MDFIC: variants seen among roughly 807,000 people sequenced by gnomAD.
MDFIC encodes the protein myoD family inhibitor domain-containing protein.
In MDFIC, 17 loss-of-function variants were observed where a neutral mutation model predicts 23.2. That is an observed-to-expected ratio of 0.73 (90% confidence interval 0.50 to 1.10). The LOEUF (loss-of-function observed/expected upper bound fraction) is 1.10. Ranked by LOEUF, MDFIC falls within the 50% of genes least tolerant of loss-of-function variation. The pLI is 0.00. For synonymous variants in MDFIC, 120 were observed against 115.2 expected, an observed-to-expected ratio of 1.04 and a Z score of -0.27; for missense variants, 356 against 316.6, an observed-to-expected ratio of 1.12 and a Z score of -0.95.
intron 2 of MDFIC, among the ~76,000 whole-genome samples, chr7:114,934,154 C>G (rs950182108): frequency 6.6e-6 from 1 of 152,178 alleles, no homozygotes; most frequent in African/African-American, 2.4e-5. Context: ...GCTGAATAAA[C>G]ATAGCTGAAA....
intron 4 of MDFIC, among the ~76,000 whole-genome samples, chr7:115,008,677 G>A (rs372983180): frequency 3.3e-5 from 5 of 152,100 alleles, no homozygotes; most frequent in East Asian, 3.9e-4. Context: ...AACATTTCCC[G>A]CCCCTACACA....
At chr7:115,006,684 A>G (rs995101461) in intron 4 of MDFIC, among the ~76,000 whole-genome samples, 1 of 152,220 alleles carries the variant, frequency 6.6e-6, no homozygotes, top group Non-Finnish European at 1.5e-5. Context: ...TTTTACCCCA[A>G]TATGAATTTT....
chr7:115,009,056 T>C (rs1791628057), intron 4 of MDFIC, among the ~76,000 whole-genome samples: 1 of 152,188 alleles, frequency 6.6e-6, no homozygotes, highest in Admixed American at 6.5e-5. Flanking sequence ...ACATAACTCT[T>C]ATTGTTCATG....
At chr7:114,960,461 T>TG (rs1286326275) in intron 3 of MDFIC, among the ~76,000 whole-genome samples, 1 of 152,092 alleles carries the variant, frequency 6.6e-6, no homozygotes, top group African/African-American at 2.4e-5. Flanking sequence ...AGGTGTACCA[T>TG]GGCCTTTTTT....
chr7:114,929,383 G>A (rs1792264814), intron 2 of MDFIC, among the ~76,000 whole-genome samples: 2 of 152,178 alleles, frequency 1.3e-5, no homozygotes. Flanking sequence ...GGGATTACAG[G>A]CTTGAGCCAC....
chr7:114,999,833 T>C (rs1307274495), intron 4 of MDFIC, among the ~76,000 whole-genome samples: 1 of 152,140 alleles, frequency 6.6e-6, no homozygotes, highest in Non-Finnish European at 1.5e-5. Flanking sequence ...TTCTAAACTT[T>C]AAATTAAATT....
chr7:114,996,341 T>C (rs565294239), intron 4 of MDFIC, among the ~76,000 whole-genome samples: 1 of 152,218 alleles, frequency 6.6e-6, no homozygotes, highest in South Asian at 2.1e-4. Context: ...TGCTGAAGAA[T>C]GAGATTTTGG....
At chr7:114,979,455 T>C (rs2115959355) in intron 3 of MDFIC, 51 bp from the exon 4 acceptor site, 1 of 1,519,766 alleles carries the variant, frequency 6.6e-7, no homozygotes, top group Non-Finnish European at 8.9e-7. Context: ...TATTTTAAAA[T>C]ATTAATTTCT....
intron 3 of MDFIC, among the ~76,000 whole-genome samples, chr7:114,951,371 A>G (rs1339843553): frequency 6.6e-6 from 1 of 152,174 alleles, no homozygotes; most frequent in Admixed American, 6.6e-5. Flanking sequence ...ATTTTTTGGA[A>G]CCAGTCTTCA....
Position 115,019,434 on chromosome 7 carries a change from C to G in MDFIC, c.*3499C>G, listed in dbSNP as rs367713861. ...ATGTAATAACTTTCCATTCTTTATC[C>G]ATACAAACTCTTTCAGTGCCCTAGA... On this transcript the variant is annotated 3_prime_UTR_variant, in exon 5 of 5. Coordinates refer to ENST00000393486, the MANE Select transcript of MDFIC (RefSeq NM_001166345.3). Among the ~76,000 whole-genome samples, 2 of 151,976 alleles carry G rather than the reference C, an allele frequency of 1.3e-5. No homozygotes were observed. The highest frequency in any genetic ancestry group is 4.1e-4 in the South Asian group (2 of 4,820).
At chr7:114,957,160 G>A (rs1429491969) in intron 3 of MDFIC, among the ~76,000 whole-genome samples, 1 of 152,090 alleles carries the variant, frequency 6.6e-6, no homozygotes, top group Non-Finnish European at 1.5e-5. Flanking sequence ...AATCTTTCAG[G>A]TGTAATCATA....
chr7:114,969,706 A>C (rs1261856489), intron 3 of MDFIC, among the ~76,000 whole-genome samples: 1 of 151,956 alleles, frequency 6.6e-6, no homozygotes, highest in African/African-American at 2.4e-5. Flanking sequence ...GCACACACTT[A>C]TGTGTGTATA....
intron 2 of MDFIC, 116 bp downstream of exon 2, chr7:114,923,243 G>C: frequency 7.3e-7 from 1 of 1,374,184 alleles, no homozygotes. Context: ...CCCACTCGTA[G>C]TTGAGAACTT....
chr7:114,961,679 A>G (rs1792994805), intron 3 of MDFIC, among the ~76,000 whole-genome samples: 1 of 152,216 alleles, frequency 6.6e-6, no homozygotes, highest in Non-Finnish European at 1.5e-5. Flanking sequence ...GGAAACAGGC[A>G]CATAATTACA....
At chr7:114,998,019 T>A (rs753532315) in intron 4 of MDFIC, among the ~76,000 whole-genome samples, 6 of 152,164 alleles carry the variant, frequency 3.9e-5, no homozygotes, top group African/African-American at 7.2e-5. Context: ...TATTTTATCA[T>A]TTGGGACGAT....
intron 3 of MDFIC, among the ~76,000 whole-genome samples, chr7:114,979,025 G>A (rs1362020201): frequency 6.6e-6 from 1 of 151,940 alleles, no homozygotes; most frequent in African/African-American, 2.4e-5. Flanking sequence ...TAAAAACACT[G>A]TATTTTTCTT....
chr7:114,993,759 T>C lies in MDFIC; in HGVS notation c.493+13978T>C, dbSNP rs181449397. ...TCTTTTATATTTGCTGAGGAGTGCT[T>C]TACTTCCAACTATGTGGTCAGTTTT... is the stretch of plus-strand genomic sequence containing the variant. On this transcript the variant is annotated intron_variant, in intron 4 of 4. Transcript: ENST00000393486. Among the ~76,000 whole-genome samples, 331 of 152,332 alleles carry C rather than the reference T, an allele frequency of 2.2e-3. 1 individual carries two copies. Among genetic ancestry groups the C allele is most frequent in the African/African-American group, 7.7e-3 (321 of 41,564 alleles).
intron 4 of MDFIC, among the ~76,000 whole-genome samples, chr7:114,998,241 G>A (rs991711200): frequency 3.3e-5 from 5 of 152,090 alleles, no homozygotes; most frequent in Admixed American, 2.0e-4. Flanking sequence ...TATACATAGC[G>A]AAAAATAGTA....
At chr7:114,944,357 A>G (rs1335265777) in intron 3 of MDFIC, among the ~76,000 whole-genome samples, 1 of 152,298 alleles carries the variant, frequency 6.6e-6, no homozygotes, top group Non-Finnish European at 1.5e-5. Context: ...ATATTTCCAA[A>G]TATTTGTGGG....
Sources: allele counts gnomAD v4.1 joint callset (sites outside exome capture counted in the v4.1 genomes callset), GRCh38; gene constraint gnomAD v4.1.1; transcripts MANE v1.5; gene names NCBI Gene and HGNC (gene_info 2026-07-23, HGNC 2026-07-21).